Variants in MCPH1 observed in about 807,000 individuals in gnomAD.
MCPH1 encodes microcephalin.
Under a neutral mutation model 84.5 loss-of-function variants are expected in MCPH1, and 104 were observed. That is an observed-to-expected ratio of 1.23 (90% confidence interval 1.05 to 1.45). The LOEUF (loss-of-function observed/expected upper bound fraction) is 1.45. Ranked by LOEUF, MCPH1 falls within the 40% of genes most tolerant of loss-of-function variation. The pLI, the probability that MCPH1 is intolerant of heterozygous loss-of-function variation, is 0.00. For missense variants in MCPH1, 1,498 were observed against 1,005.7 expected (o/e 1.49, Z -6.62); for synonymous variants, 514 against 366.8 (o/e 1.40, Z -4.58).
At chr8:6,491,895 G>C (rs1340516991) in intron 11 of MCPH1, among the ~76,000 whole-genome samples, 1 of 152,134 alleles carries the variant, frequency 6.6e-6, no homozygotes, top group Non-Finnish European at 1.5e-5. Context: ...ATTTGGGTTG[G>C]TTCCAAGTCT....
intron 12 of MCPH1, among the ~76,000 whole-genome samples, chr8:6,538,566 A>G (rs1377401156): frequency 2.6e-5 from 4 of 152,130 alleles, no homozygotes; most frequent in Non-Finnish European, 5.9e-5. Flanking sequence ...TGGCTGTCCC[A>G]GCTGCCCAGC....
At chr8:6,554,810 A>G (rs1824307200) in intron 12 of MCPH1, among the ~76,000 whole-genome samples, 1 of 152,150 alleles carries the variant, frequency 6.6e-6, no homozygotes, top group South Asian at 2.1e-4. Flanking sequence ...GCAAAGAGAA[A>G]GGTTTTAGCT....
chr8:6,593,746 A>G (rs559680551), intron 12 of MCPH1, among the ~76,000 whole-genome samples: 4 of 152,286 alleles, frequency 2.6e-5, no homozygotes, highest in South Asian at 2.1e-4. Context: ...AACATTACCA[A>G]TGTATTTTTA....
chr8:6,566,449 G>C (rs1452204039), intron 12 of MCPH1, among the ~76,000 whole-genome samples: 35 of 152,222 alleles, frequency 2.3e-4, no homozygotes, highest in Non-Finnish European at 1.6e-4. Flanking sequence ...TGGCGAGCAA[G>C]GCTATTGACA....
At position 6,441,638 on chromosome 8, in the gene MCPH1, T is replaced by G. The variant is rs556333365; in HGVS notation, c.581-429T>G. On this transcript the variant is annotated intron_variant, in intron 6 of 13. Coordinates refer to ENST00000344683, the MANE Select transcript of MCPH1 (RefSeq NM_024596.5). ...CTGGGTAATTCTTTGTTGGGGGCAC[T>G]GCCCTGTGTGTGGTAGGAAGCTCAG... 1.9e-3 allele frequency among the ~76,000 whole-genome samples: 286 copies of G among 152,338 alleles called. 1 individual carries two copies. Among genetic ancestry groups the G allele is most frequent in the Non-Finnish European group, 3.4e-3 (229 of 68,024 alleles).
intron 12 of MCPH1, among the ~76,000 whole-genome samples, chr8:6,601,835 G>T (rs73511017): frequency 0.016 from 2,357 of 145,782 alleles, 51 homozygotes; most frequent in African/African-American, 0.062. Flanking sequence ...TAAAGGAGAA[G>T]CTTTTCTGGA....
At chr8:6,434,015 C>T (rs1043889132) in intron 4 of MCPH1, among the ~76,000 whole-genome samples, 10 of 152,148 alleles carry the variant, frequency 6.6e-5, no homozygotes, top group Non-Finnish European at 1.5e-4. Flanking sequence ...GACCCGTTTT[C>T]CAGCCTCCCT....
At position 6,542,212 on chromosome 8, in the gene MCPH1, T is replaced by A. The variant is rs141332776; in HGVS notation, c.2214+42283T>A. 2.4e-4 allele frequency among the ~76,000 whole-genome samples: 36 copies of A among 152,312 alleles called. 1 individual carries two copies. The highest frequency in any genetic ancestry group is 1.2e-3 in the South Asian group (6 of 4,820). ...ATAATGTAACAAAATGTCTCAGTGT[T>A]TTTCTATGCCAAATAGAATCTTATG... is the stretch of plus-strand genomic sequence containing the variant. On this transcript the variant is annotated intron_variant, in intron 12 of 13. Coordinates refer to ENST00000344683, the MANE Select transcript of MCPH1 (RefSeq NM_024596.5).
chr8:6,442,637 C>CAT (rs1803685315), intron 7 of MCPH1, among the ~76,000 whole-genome samples: 1 of 152,170 alleles, frequency 6.6e-6, no homozygotes, highest in Non-Finnish European at 1.5e-5. Flanking sequence ...TTCCATGTTA[C>CAT]GCACATACAT....
chr8:6,554,292 G>A (rs1824191483), intron 12 of MCPH1, among the ~76,000 whole-genome samples: 1 of 147,130 alleles, frequency 6.8e-6, no homozygotes, highest in Non-Finnish European at 1.5e-5. Flanking sequence ...TACAAGATCT[G>A]GATTTTAAAA....
chr8:6,534,429 C>G (rs12550255), intron 12 of MCPH1, among the ~76,000 whole-genome samples: 30,228 of 151,940 alleles, frequency 0.2, 3,704 homozygotes, highest in Admixed American at 0.28. Flanking sequence ...TGGAATCAGT[C>G]CCCCACAGAC....
intron 12 of MCPH1, among the ~76,000 whole-genome samples, chr8:6,607,468 T>TAA (rs1467693389): frequency 6.6e-6 from 1 of 152,236 alleles, no homozygotes; most frequent in Non-Finnish European, 1.5e-5. Flanking sequence ...TTCCTCTTGT[T>TAA]ACTCTTTAGT....
At chr8:6,602,908 T>A (rs961339507) in intron 12 of MCPH1, among the ~76,000 whole-genome samples, 9 of 152,002 alleles carry the variant, frequency 5.9e-5, no homozygotes, top group African/African-American at 1.9e-4. Context: ...AAATAGAAAA[T>A]ATATATATAT....
At position 6,643,205 on chromosome 8, in the gene MCPH1, A is replaced by G; in HGVS notation, c.*156A>G. On this transcript the variant is annotated 3_prime_UTR_variant, in exon 14 of 14. Transcript: ENST00000344683. Reference sequence around the variant, plus strand: ...TGTGTTGTGGTTCTTAAGAACTCATAGGTGACTTTCTGATGACTGAATGTC... The same window carrying G: ...TGTGTTGTGGTTCTTAAGAACTCATGGGTGACTTTCTGATGACTGAATGTC... 2.8e-6 allele frequency: 2 copies of G among 711,940 alleles called. No homozygotes were observed. The highest frequency in any genetic ancestry group is 5.0e-6 in the Non-Finnish European group (2 of 396,160). 44.1% of individuals were successfully genotyped at this position (711,940 alleles called of 1,614,324 possible). A position where few individuals can be genotyped will look rare whatever the true frequency, so the allele number is the denominator to read the frequency against.
chr8:6,575,966 C>G (rs939544442), intron 12 of MCPH1, among the ~76,000 whole-genome samples: 1 of 151,512 alleles, frequency 6.6e-6, no homozygotes, highest in African/African-American at 2.4e-5. Context: ...TTTCTGCTCT[C>G]CAGAACTGCG....
At chr8:6,562,911 A>G in intron 12 of MCPH1, 1 of 1,594,960 alleles carries the variant, frequency 6.3e-7, no homozygotes, top group Non-Finnish European at 8.6e-7. Flanking sequence ...CACAGCTCAG[A>G]GTAAAGAAAA....
chr8:6,412,268 T>G (rs569704778), intron 2 of MCPH1, among the ~76,000 whole-genome samples: 1 of 152,212 alleles, frequency 6.6e-6, no homozygotes, highest in African/African-American at 2.4e-5. Flanking sequence ...ATGCCTAACA[T>G]TTACTTGGGA....
intron 12 of MCPH1, among the ~76,000 whole-genome samples, chr8:6,617,838 GGCTT>G (rs1318113152): frequency 2.0e-5 from 3 of 151,974 alleles, no homozygotes; most frequent in Non-Finnish European, 4.4e-5. Flanking sequence ...CACCATGCCG[GGCTT>G]GCTTATCTAT....
intron 10 of MCPH1, among the ~76,000 whole-genome samples, chr8:6,480,405 C>T (rs970507450): frequency 6.6e-6 from 1 of 151,954 alleles, no homozygotes; most frequent in Non-Finnish European, 1.5e-5. Context: ...AGGTGTGAGC[C>T]ACCGCGCCCA....
Sources: allele counts gnomAD v4.1 joint callset (sites outside exome capture counted in the v4.1 genomes callset), GRCh38; gene constraint gnomAD v4.1.1; transcripts MANE v1.5; gene names NCBI Gene and HGNC (gene_info 2026-07-23, HGNC 2026-07-21).